Variants in CNN2 observed in about 807,000 individuals in gnomAD.
CNN2 encodes the protein calponin-2.
Under a neutral mutation model 31.0 loss-of-function variants are expected in CNN2, and 21 were observed. The observed-to-expected ratio is 0.68, with a 90% CI of 0.48 to 0.98. The LOEUF (loss-of-function observed/expected upper bound fraction) is 0.98. CNN2 is among the 50% of genes least tolerant of loss of function. CNN2 has a pLI of 0.00. For missense variants in CNN2, 399 were observed against 427.3 expected (o/e 0.93, Z 0.58); for synonymous variants, 165 against 179.6 (o/e 0.92, Z 0.65).
At chr19:1,026,957 TTCCCCCCCCCAACATCTAGGGGTAGTTGG>T in intron 1 of CNN2, 1 of 485,906 alleles carries the variant, frequency 2.1e-6, no homozygotes, top group East Asian at 3.9e-5. Context: ...GAGTGACCCA[TTCCCCCCCCCAACATCTAGGGGTAGTTGG>T]GTCTGACTTC....
At chr19:1,035,483 G>A (rs1298647003) in intron 4 of CNN2, among the ~76,000 whole-genome samples, 1 of 152,166 alleles carries the variant, frequency 6.6e-6, no homozygotes, top group Non-Finnish European at 1.5e-5. Context: ...AGAGCCAATG[G>A]CCTGGCCATG....
intron 2 of CNN2, among the ~76,000 whole-genome samples, chr19:1,031,760 G>A (rs952267821): frequency 4.0e-5 from 6 of 150,178 alleles, no homozygotes; most frequent in Non-Finnish European, 5.9e-5. Flanking sequence ...GATTACAGGC[G>A]ACTGCCACCA....
chr19:1,031,479 T>C (rs62131195), intron 2 of CNN2, among the ~76,000 whole-genome samples: 123,228 of 142,832 alleles, frequency 0.86, 53,220 homozygotes, highest in East Asian at 1. Flanking sequence ...GAAGGAGAAT[T>C]GCTTGAACCC....
intron 1 of CNN2, among the ~76,000 whole-genome samples, chr19:1,027,414 C>T (rs2039416752): frequency 6.6e-6 from 1 of 152,242 alleles, no homozygotes; most frequent in East Asian, 1.9e-4. Flanking sequence ...GGGGCTCACG[C>T]CCGTAATCCC....
intron 1 of CNN2, among the ~76,000 whole-genome samples, chr19:1,028,042 C>T (rs2039426496): frequency 6.6e-6 from 1 of 152,218 alleles, no homozygotes; most frequent in African/African-American, 2.4e-5. Context: ...ACCCTGCATT[C>T]ATAGAGCCCC....
At chr19:1,036,045 C>T (rs1232525405) in intron 4 of CNN2, 85 bp from the exon 5 acceptor site, 1 of 1,481,380 alleles carries the variant, frequency 6.8e-7, no homozygotes, top group East Asian at 2.4e-5. Flanking sequence ...AGGCCGCGGC[C>T]TGGTCTCTGT....
intron 2 of CNN2, among the ~76,000 whole-genome samples, chr19:1,031,465 T>C (rs887986039): frequency 1.1e-4 from 16 of 141,446 alleles, no homozygotes; most frequent in South Asian, 2.2e-4. Context: ...CTCAGGAGGC[T>C]GAGGAAGGAG....
Position 1,031,338 on chromosome 19 carries a change from T to TAGGGGGA in CNN2, c.185+146_185+147insAGGGGGA, listed in dbSNP as rs1555674878. 1.2e-4 allele frequency: 4 copies of TAGGGGGA among 34,390 alleles called. No homozygotes were observed. In the South Asian group the frequency reaches 1.8e-3, roughly 15 times the overall value. The allele number at this position is 34,390 out of a possible 1,614,324, so 2.1% of individuals were successfully genotyped here. A position where few individuals can be genotyped will look rare whatever the true frequency, so the allele number is the denominator to read the frequency against. On this transcript the variant is annotated intron_variant, in intron 2 of 6. Transcript: ENST00000263097. ...CAGCACTTTTGGAGGCCGAGGGTGG[T>TAGGGGGA]GGCGGGGGGCGGTGGATCTCGAGGT...
chr19:1,029,734 C>T (rs995645370), intron 1 of CNN2, among the ~76,000 whole-genome samples: 2 of 150,908 alleles, frequency 1.3e-5, no homozygotes, highest in African/African-American at 4.9e-5. Flanking sequence ...CAGAGGCTCA[C>T]TCTGTTCCAG....
chr19:1,036,478 CT>C lies in CNN2; in HGVS notation c.571del (p.Tyr191MetfsTer31). The C allele has an allele frequency of 6.2e-7, 1 of 1,613,090 alleles. No homozygotes were observed. The highest frequency in any genetic ancestry group is 8.5e-7 in the Non-Finnish European group (1 of 1,179,200). On this transcript the variant is annotated frameshift_variant, in exon 6 of 7. Coordinates refer to ENST00000263097, the MANE Select transcript of CNN2 (RefSeq NM_004368.4). LOFTEE classifies it high-confidence loss of function. The stretch of plus-strand genomic sequence containing the variant: ...CTGCCTACGGCACGAGAAGGCATCT[CT>C]ATGACCCCAAGAACCATATCCTGCC... ...MTAYGTRRHL[Y>X]DPKNHILPPM...
At chr19:1,030,973 C>A (rs2039479680) in intron 1 of CNN2, 98 bp from the exon 2 acceptor site, 2 of 1,428,956 alleles carry the variant, frequency 1.4e-6, no homozygotes, top group Non-Finnish European at 1.9e-6. Flanking sequence ...TCTGCTGTTG[C>A]CCTGGAGTCC....
chr19:1,035,592 G>C (rs2039568447), intron 4 of CNN2, among the ~76,000 whole-genome samples: 1 of 152,180 alleles, frequency 6.6e-6, no homozygotes, highest in African/African-American at 2.4e-5. Flanking sequence ...GCCCTGGAAA[G>C]CTGAGCTGTT....
intron 2 of CNN2, 129 bp from the exon 3 acceptor site, chr19:1,032,263 G>A (rs1358785707): frequency 1.9e-5 from 18 of 940,508 alleles, no homozygotes; most frequent in Non-Finnish European, 2.6e-5. Flanking sequence ...AGTGGAAACT[G>A]AGGCCCAGAG....
At chr19:1,026,764 C>G in intron 1 of CNN2, 40 bp downstream of exon 1, 1 of 1,537,094 alleles carries the variant, frequency 6.5e-7, no homozygotes, top group African/African-American at 1.4e-5. Context: ...ACAGCGCGGC[C>G]GTCGCACGCT....
In CNN2 at chr19:1,031,106, G is replaced by A; in HGVS notation, c.99G>A (p.Glu33=). ...AATATGACCCCCAGAAGGAGGCAGA[G>A]CTCCGCACCTGGATCGAGGGACTCA... The part of the protein sequence containing the change: ...LSKYDPQKEA[E]LRTWIEGLTG... The change falls in exon 2 of 7, where the codon GAG becomes GAA. Residue 33 remains glutamate, a synonymous_variant. Transcript: ENST00000263097. 6.2e-7 allele frequency: 1 copy of A among 1,613,328 alleles called. No individual in the cohort carries two copies. Among genetic ancestry groups the A allele is most frequent in the African/African-American group, 1.3e-5 (1 of 75,036 alleles).
chr19:1,036,094 C>T, intron 4 of CNN2, 36 bp from the exon 5 acceptor site: 1 of 1,561,614 alleles, frequency 6.4e-7, no homozygotes, highest in Non-Finnish European at 8.7e-7. Context: ...CCTGGCTGCC[C>T]TCTGCTGGTA....
At position 1,036,503 on chromosome 19, in the gene CNN2, C is replaced by T. The variant is rs752001709; in HGVS notation, c.595C>T (p.Pro199Ser). 1 of 1,613,202 alleles carries T rather than the reference C, an allele frequency of 6.2e-7. No individual in the cohort carries two copies. ...CTATGACCCCAAGAACCATATCCTG[C>T]CCCCCATGGACCACTCGACCATCAG... is the stretch of plus-strand genomic sequence containing the variant. Reference protein sequence around the residue: ...HLYDPKNHILPPMDHSTISLQ... With the variant: ...HLYDPKNHILSPMDHSTISLQ... The change falls in exon 6 of 7, where the codon CCC (proline) becomes TCC (serine). Residue 199 changes from proline to serine, a missense_variant. Transcript: ENST00000263097.
intron 6 of CNN2, 60 bp downstream of exon 6, chr19:1,036,622 G>T (rs777495051): frequency 4.4e-6 from 7 of 1,607,078 alleles, no homozygotes; most frequent in Non-Finnish European, 6.0e-6. Flanking sequence ...CTGTGGTCTC[G>T]GCCCCTCCCT....
chr19:1,035,777 C>T (rs1334579032), intron 4 of CNN2, among the ~76,000 whole-genome samples: 2 of 152,142 alleles, frequency 1.3e-5, no homozygotes, highest in African/African-American at 2.4e-5. Context: ...CAAAAATTAG[C>T]CTGGCGTGGT....
Sources: gnomAD v4.1 joint callset for allele counts (sites outside exome capture counted in the v4.1 genomes callset) on GRCh38, gnomAD v4.1.1 for gene constraint, MANE v1.5 for transcripts, NCBI Gene and HGNC (gene_info 2026-07-23, HGNC 2026-07-21) for gene names.